CDH10: variants seen among roughly 807,000 people sequenced by gnomAD.
CDH10 encodes the protein cadherin-10.
In CDH10, 30 loss-of-function variants were observed where a neutral mutation model predicts 73.1. The observed-to-expected ratio is 0.41, with a 90% CI of 0.31 to 0.56. CDH10 has a LOEUF of 0.56. CDH10 is among the 20% of genes least tolerant of loss of function. CDH10 has a pLI of 0.27. For missense variants in CDH10, 815 were observed against 973.7 expected (o/e 0.84, Z 2.17); for synonymous variants, 345 against 348.2 (o/e 0.99, Z 0.10).
At chr5:24,586,381 TC>T (rs572070946) in intron 2 of CDH10, among the ~76,000 whole-genome samples, 130 of 149,970 alleles carry the variant, frequency 8.7e-4, no homozygotes, top group African/African-American at 3.1e-3. Flanking sequence ...AAGTTGCTGC[TC>T]CCCTCTCAAT....
chr5:24,629,268 G>T (rs1473455265), intron 1 of CDH10, among the ~76,000 whole-genome samples: 2 of 151,900 alleles, frequency 1.3e-5, no homozygotes, highest in African/African-American at 4.8e-5. Context: ...TATGAGCTTG[G>T]ATATAAAAAC....
chr5:24,544,535 G>T (rs1744271930), intron 2 of CDH10, among the ~76,000 whole-genome samples: 2 of 152,134 alleles, frequency 1.3e-5, no homozygotes, highest in Admixed American at 1.3e-4. Flanking sequence ...ATTTGACAGG[G>T]TTCCCCAGAG....
At chr5:24,495,411 C>G (rs1389046236) in intron 9 of CDH10, among the ~76,000 whole-genome samples, 4 of 152,092 alleles carry the variant, frequency 2.6e-5, no homozygotes, top group African/African-American at 9.7e-5. Flanking sequence ...TTTCAGTGTT[C>G]ATATTATTAC....
chr5:24,537,402 A>G lies in CDH10; in HGVS notation c.504T>C (p.Ser168=), dbSNP rs2111892311. The stretch of plus-strand genomic sequence containing the variant: ...TACCTACAACAGACATTTCGGGAAC[A>G]CTAGCTGTATAGATTTCTTCTGGGA... ...PTFPEEIYTA[S]VPEMSVVGTS... is the part of the protein sequence containing the mutation. Residue 168 remains serine (S), a synonymous_variant, in exon 3 of 12, where the codon AGT becomes AGC. Coordinates refer to ENST00000264463, the MANE Select transcript of CDH10 (RefSeq NM_006727.5). 21 of 1,612,038 alleles carry G rather than the reference A, an allele frequency of 1.3e-5. No individual in the cohort carries two copies. The highest frequency in any genetic ancestry group is 1.7e-5 in the Non-Finnish European group (20 of 1,178,698).
intron 1 of CDH10, among the ~76,000 whole-genome samples, chr5:24,605,342 T>A (rs1746724539): frequency 1.3e-5 from 2 of 152,138 alleles, no homozygotes; most frequent in Non-Finnish European, 2.9e-5. Context: ...TCCTGTCAGA[T>A]CCAATCAGCA....
chr5:24,634,503 T>C (rs1429163092), intron 1 of CDH10, among the ~76,000 whole-genome samples: 3 of 151,750 alleles, frequency 2.0e-5, no homozygotes, highest in African/African-American at 7.2e-5. Context: ...TTGCCAAATA[T>C]TATAGTGAAG....
At chr5:24,630,280 G>GCCACACACAGGGGC (rs1297457108) in intron 1 of CDH10, among the ~76,000 whole-genome samples, 1 of 152,056 alleles carries the variant, frequency 6.6e-6, no homozygotes, top group Admixed American at 6.6e-5. Context: ...ACACACAGGG[G>GCCACACACAGGGGC]CTCACTCCTG....
At chr5:24,599,602 AAT>A (rs1421001121) in intron 1 of CDH10, among the ~76,000 whole-genome samples, 1 of 152,170 alleles carries the variant, frequency 6.6e-6, no homozygotes, top group Non-Finnish European at 1.5e-5. Flanking sequence ...TGTTCTGCAA[AAT>A]ATGTTTCTGC....
In CDH10 at chr5:24,509,738, G is replaced by A. The variant is rs371587057; in HGVS notation, c.1084C>T (p.Leu362=). ...NTHVDPRFYY[L]GPFKDTTIVK... ...ATGGTAGTATCTTTAAATGGTCCTA[G>A]GTAATAAAAACGGGGATCTACATGG... is the stretch of plus-strand genomic sequence containing the variant. The change falls in exon 7 of 12, where the codon CTA becomes TTA. Residue 362 remains leucine (L), a synonymous_variant. Transcript: ENST00000264463. 6.2e-7 allele frequency: 1 copy of A among 1,612,462 alleles called. No individual in the cohort carries two copies. Among genetic ancestry groups the A allele is most frequent in the African/African-American group, 1.3e-5 (1 of 74,790 alleles).
At chr5:24,605,302 G>C (rs1450222464) in intron 1 of CDH10, among the ~76,000 whole-genome samples, 1 of 152,238 alleles carries the variant, frequency 6.6e-6, no homozygotes, top group East Asian at 1.9e-4. Flanking sequence ...TGAGGAGCCT[G>C]TGACCAAGCA....
At chr5:24,592,328 T>C (rs1746227262) in intron 2 of CDH10, among the ~76,000 whole-genome samples, 1 of 151,892 alleles carries the variant, frequency 6.6e-6, no homozygotes, top group African/African-American at 2.4e-5. Context: ...GGCAGTGATG[T>C]ATGCATGATA....
intron 2 of CDH10, among the ~76,000 whole-genome samples, chr5:24,563,595 T>TATAAAAAAAAAA (rs1267665246): frequency 8.1e-5 from 1 of 12,366 alleles, no homozygotes; most frequent in Non-Finnish European, 1.9e-4. Flanking sequence ...CTACTAAAAA[T>TATAAAAAAAAAA]ACAAAAAAAA....
intron 5 of CDH10, among the ~76,000 whole-genome samples, chr5:24,523,657 A>C (rs1265080698): frequency 6.6e-6 from 1 of 152,154 alleles, no homozygotes; most frequent in South Asian, 2.1e-4. Flanking sequence ...GAATCTGAAA[A>C]TATGTCTGCT....
At chr5:24,595,859 A>G (rs1483754461) in intron 1 of CDH10, among the ~76,000 whole-genome samples, 2 of 151,904 alleles carry the variant, frequency 1.3e-5, no homozygotes, top group Non-Finnish European at 2.9e-5. Context: ...AATGTTTTGG[A>G]AAAGAGTAGG....
intron 1 of CDH10, among the ~76,000 whole-genome samples, chr5:24,621,976 A>T (rs1399607352): frequency 6.6e-6 from 1 of 152,018 alleles, no homozygotes; most frequent in Non-Finnish European, 1.5e-5. Flanking sequence ...GAACGAAAGA[A>T]GATGAGGTTA....
At chr5:24,489,989 G>A (rs899684755) in intron 11 of CDH10, among the ~76,000 whole-genome samples, 8 of 152,008 alleles carry the variant, frequency 5.3e-5, no homozygotes, top group East Asian at 3.9e-4. Context: ...TGAATTTTCC[G>A]TTTCATTATG....
At chr5:24,622,852 T>G (rs1747362989) in intron 1 of CDH10, among the ~76,000 whole-genome samples, 1 of 152,200 alleles carries the variant, frequency 6.6e-6, no homozygotes. Flanking sequence ...AAATCTTCAC[T>G]TAGTATCATT....
chr5:24,498,207 A>G (rs1742361812), intron 9 of CDH10, among the ~76,000 whole-genome samples, 191 bp downstream of exon 9: 1 of 152,252 alleles, frequency 6.6e-6, no homozygotes, highest in African/African-American at 2.4e-5. Flanking sequence ...TACAAAGGAA[A>G]TATGAAACTG....
At chr5:24,640,046 C>T (rs1411265388) in intron 1 of CDH10, among the ~76,000 whole-genome samples, 1 of 151,666 alleles carries the variant, frequency 6.6e-6, no homozygotes, top group African/African-American at 2.4e-5. Context: ...TAGATTCTAG[C>T]CAACTGAACT....
Sources: allele counts gnomAD v4.1 joint callset (sites outside exome capture counted in the v4.1 genomes callset), GRCh38; gene constraint gnomAD v4.1.1; transcripts MANE v1.5; gene names NCBI Gene and HGNC (gene_info 2026-07-23, HGNC 2026-07-21).